The following THSD7B variants were observed in gnomAD, a reference collection of about 807,000 sequenced individuals.
The protein encoded by THSD7B is thrombospondin type 1 domain containing 7B.
A neutral mutation model predicts 213.6 loss-of-function variants in THSD7B; 138 were observed. That is an observed-to-expected ratio of 0.65 (90% CI 0.56 to 0.74). The LOEUF (loss-of-function observed/expected upper bound fraction) is 0.74. THSD7B is among the 30% of genes least tolerant of loss of function. The pLI, the probability that THSD7B is intolerant of heterozygous loss-of-function variation, is 0.00. For missense variants in THSD7B, 1,931 were observed against 1,991.5 expected (o/e 0.97, Z 0.58); for synonymous variants, 742 against 687.0 (o/e 1.08, Z -1.25).
In THSD7B at chr2:137,117,118, G is replaced by T. The variant is rs565066189; in HGVS notation, c.1369+1825G>T. Among the ~76,000 whole-genome samples, 8 of 152,132 alleles carry T rather than the reference G, an allele frequency of 5.3e-5. 1 individual carries two copies. The South Asian group carries it at 1.7e-3, about 32-fold the overall frequency. Reference sequence around the variant, plus strand: ...ATAACACAGCACAGCTGCCATAAAGGCACTGTATACAGCTTACTGCTTACC... The same window carrying T: ...ATAACACAGCACAGCTGCCATAAAGTCACTGTATACAGCTTACTGCTTACC... On this transcript the variant is annotated intron_variant, in intron 5 of 27. Transcript: ENST00000409968.
intron 1 of THSD7B, among the ~76,000 whole-genome samples, chr2:136,873,836 A>G (rs571224829): frequency 6.6e-6 from 1 of 152,256 alleles, no homozygotes; most frequent in African/African-American, 2.4e-5. Context: ...CATTTTGTGG[A>G]TGAGGAACCT....
chr2:137,098,483 C>A (rs73958334), intron 4 of THSD7B, among the ~76,000 whole-genome samples: 5,127 of 152,022 alleles, frequency 0.034, 193 homozygotes, highest in African/African-American at 0.094. Context: ...AATAAAACAT[C>A]CAAGTAAGAT....
intron 2 of THSD7B, among the ~76,000 whole-genome samples, chr2:137,021,057 CT>C (rs1166644387): frequency 6.6e-6 from 1 of 152,174 alleles, no homozygotes. Context: ...TTCATTACCA[CT>C]TGTGGAACTG....
At chr2:137,256,323 A>G (rs1477699986) in intron 10 of THSD7B, among the ~76,000 whole-genome samples, 5 of 152,204 alleles carry the variant, frequency 3.3e-5, no homozygotes, top group Non-Finnish European at 7.3e-5. Context: ...AGGCATGCAA[A>G]CACATGTTTT....
chr2:137,424,867 C>G (rs548313745), intron 14 of THSD7B, among the ~76,000 whole-genome samples: 3 of 151,846 alleles, frequency 2.0e-5, no homozygotes, highest in African/African-American at 4.8e-5. Context: ...GTCGGCAGAT[C>G]GAGACCATCC....
chr2:136,770,400 A>G (rs948045525), intron 1 of THSD7B, among the ~76,000 whole-genome samples: 2 of 152,212 alleles, frequency 1.3e-5, no homozygotes, highest in East Asian at 1.9e-4. Context: ...GACAGGGCAC[A>G]TGAATACAGC....
At chr2:136,785,961 C>G (rs913065386) in intron 1 of THSD7B, among the ~76,000 whole-genome samples, 2 of 152,234 alleles carry the variant, frequency 1.3e-5, no homozygotes, top group Non-Finnish European at 2.9e-5. Flanking sequence ...CCACGTCTCC[C>G]TTCCCTGCTA....
chr2:137,370,037 G>T (rs932152235), intron 12 of THSD7B, among the ~76,000 whole-genome samples: 1 of 152,114 alleles, frequency 6.6e-6, no homozygotes, highest in African/African-American at 2.4e-5. Flanking sequence ...TAAATAATAG[G>T]TGGACTATCT....
At chr2:137,597,843 GA>G (rs1391439484) in intron 17 of THSD7B, among the ~76,000 whole-genome samples, 3 of 152,206 alleles carry the variant, frequency 2.0e-5, no homozygotes, top group African/African-American at 7.2e-5. Context: ...ACTGTTTATT[GA>G]TAAAAGATTA....
intron 1 of THSD7B, among the ~76,000 whole-genome samples, chr2:136,874,828 C>A (rs542034824): frequency 6.6e-6 from 1 of 152,242 alleles, no homozygotes; most frequent in African/African-American, 2.4e-5. Flanking sequence ...GGAAACTCAA[C>A]GACCTTCATG....
intron 1 of THSD7B, among the ~76,000 whole-genome samples, chr2:136,773,000 G>A (rs1681535388): frequency 6.6e-6 from 1 of 152,116 alleles, no homozygotes; most frequent in South Asian, 2.1e-4. Flanking sequence ...ATAGGAAGAA[G>A]CTCAGAAAAG....
At chr2:136,943,989 G>C (rs145882127) in intron 2 of THSD7B, among the ~76,000 whole-genome samples, 4 of 152,220 alleles carry the variant, frequency 2.6e-5, no homozygotes, top group Admixed American at 2.6e-4. Flanking sequence ...GTCAATTTTA[G>C]ATCTTTCCTG....
intron 15 of THSD7B, among the ~76,000 whole-genome samples, chr2:137,509,169 T>C (rs111756706): frequency 8.5e-5 from 13 of 152,316 alleles, no homozygotes; most frequent in African/African-American, 2.6e-4. Context: ...CCACCAAATA[T>C]ATTTGTCCTG....
rs1683105674 is a variant in THSD7B at position 136,851,985 on chromosome 2, T to G, written c.-35-30159T>G. 2.6e-5 allele frequency among the ~76,000 whole-genome samples: 4 copies of G among 151,550 alleles called. No homozygotes were observed. In the South Asian group the frequency reaches 8.3e-4, roughly 31 times the overall value. Reference sequence around the variant, plus strand: ...CAGAATAAGGGCCCCAAAAAGACACTCATATCTTATTCCCTGTTGATAAGT... The same window carrying G: ...CAGAATAAGGGCCCCAAAAAGACACGCATATCTTATTCCCTGTTGATAAGT... On this transcript the variant is annotated intron_variant, in intron 1 of 27. Coordinates refer to ENST00000409968, the MANE Select transcript of THSD7B (RefSeq NM_001316349.2).
chr2:137,285,488 C>T (rs1683148399), intron 12 of THSD7B, among the ~76,000 whole-genome samples: 2 of 151,534 alleles, frequency 1.3e-5, no homozygotes, highest in African/African-American at 4.8e-5. Flanking sequence ...GCAGTTTCTT[C>T]CTAGCCTTCA....
intron 17 of THSD7B, among the ~76,000 whole-genome samples, chr2:137,575,702 T>C (rs1390233763): frequency 7.6e-6 from 1 of 131,670 alleles, no homozygotes; most frequent in Non-Finnish European, 1.7e-5. Context: ...TATGTTCATG[T>C]TTTTTCTTAT....
chr2:137,589,628 A>T (rs1248548250), intron 17 of THSD7B, among the ~76,000 whole-genome samples: 1 of 152,086 alleles, frequency 6.6e-6, no homozygotes, highest in African/African-American at 2.4e-5. Context: ...ACTTCACTAG[A>T]CTTTTACATT....
At chr2:137,612,519 A>T (rs765112662) in intron 17 of THSD7B, among the ~76,000 whole-genome samples, 2 of 152,190 alleles carry the variant, frequency 1.3e-5, no homozygotes, top group Non-Finnish European at 2.9e-5. Context: ...ATGGTCACTT[A>T]ACTGCAAAGA....
chr2:137,352,744 T>G (rs1469665267), intron 12 of THSD7B, among the ~76,000 whole-genome samples: 1 of 152,016 alleles, frequency 6.6e-6, no homozygotes, highest in Admixed American at 6.6e-5. Flanking sequence ...ATGTAGTGCT[T>G]CCCAAATTAT....
Sources: allele counts gnomAD v4.1 joint callset (sites outside exome capture counted in the v4.1 genomes callset), GRCh38; gene constraint gnomAD v4.1.1; transcripts MANE v1.5; gene names NCBI Gene and HGNC (gene_info 2026-07-23, HGNC 2026-07-21).